The following ZNF700 variants were observed in gnomAD, a reference collection of about 807,000 sequenced individuals.
The protein encoded by ZNF700 is zinc finger protein 700.
A neutral mutation model predicts 65.3 loss-of-function variants in ZNF700; 38 were observed. The observed-to-expected ratio is 0.58, with a 90% CI of 0.45 to 0.76. The LOEUF is 0.76. Among genes scored for constraint, ZNF700 ranks in the 30% least tolerant of loss-of-function variants. The probability of loss-of-function intolerance (pLI) is 0.00; values close to 1 mark genes in which losing one functional copy is unlikely to be tolerated. For synonymous variants in ZNF700, 285 were observed against 290.4 expected (o/e 0.98, Z 0.19); for missense variants, 857 against 888.4 (o/e 0.96, Z 0.45).
At chr19:11,930,126 G>C (rs2061186930) in intron 1 of ZNF700, among the ~76,000 whole-genome samples, 1 of 148,240 alleles carries the variant, frequency 6.7e-6, no homozygotes, top group Non-Finnish European at 1.5e-5. Flanking sequence ...TGGAGGAGAT[G>C]CCTGGTATAC....
intron 1 of ZNF700, among the ~76,000 whole-genome samples, chr19:11,937,658 T>C (rs1225538112): frequency 6.6e-6 from 1 of 151,688 alleles, no homozygotes; most frequent in Non-Finnish European, 1.5e-5. Context: ...TTGGCTAATT[T>C]TTTGTATTTT....
rs771908917 is a variant in ZNF700 at position 11,949,034 on chromosome 19, A to T, written c.1010A>T (p.Lys337Met). Reference protein sequence around the residue: ...THSGKKPYECKQYGEGLSYLI... With the variant: ...THSGKKPYECMQYGEGLSYLI... ...TCTGGGAAAAAACCGTATGAATGTA[A>T]GCAATATGGGGAAGGCTTATCCTAT... The change falls in exon 4 of 4, where the codon AAG becomes ATG. Residue 337 changes from lysine (K) to methionine (M), a missense_variant. Lys to Met is a moderately conservative substitution (Grantham distance 95). Coordinates refer to ENST00000254321, the MANE Select transcript of ZNF700 (RefSeq NM_144566.3). 2 of 1,607,790 alleles carry T rather than the reference A, an allele frequency of 1.2e-6. No homozygotes were observed. Among genetic ancestry groups the T allele is most frequent in the Admixed American group, 3.5e-5 (2 of 57,464 alleles).
intron 1 of ZNF700, among the ~76,000 whole-genome samples, chr19:11,937,550 GCC>G (rs1972816651): frequency 1.4e-5 from 2 of 147,448 alleles, no homozygotes; most frequent in African/African-American, 5.0e-5. Context: ...GTGCAGTGGC[GCC>G]ATCTCGGCTC....
Position 11,948,774 on chromosome 19 carries a change from T to C in ZNF700, c.750T>C (p.Tyr250=), listed in dbSNP as rs1272470334. The change falls in exon 4 of 4, where the codon TAT becomes TAC. Residue 250 remains tyrosine (Y), a synonymous_variant. Transcript: ENST00000254321. ...HERTHTGEKP[Y]ECKQCGKSFT... ...GAACTCACACTGGAGAGAAACCATA[T>C]GAATGTAAACAATGTGGTAAATCCT... is the stretch of plus-strand genomic sequence containing the variant. 1 of 1,611,446 alleles carries C rather than the reference T, an allele frequency of 6.2e-7. No homozygotes were observed. Among genetic ancestry groups the C allele is most frequent in the Admixed American group, 1.7e-5 (1 of 58,936 alleles).
intron 1 of ZNF700, chr19:11,946,659 T>C (rs1972964054): frequency 6.6e-6 from 1 of 152,374 alleles, no homozygotes. Context: ...AACCCACCTC[T>C]AATGCTGGCC....
At position 11,948,409 on chromosome 19, in the gene ZNF700, T is replaced by G. The variant is rs781120723; in HGVS notation, c.385T>G (p.Phe129Val). The change falls in exon 4 of 4, where the codon TTT becomes GTT. Residue 129 changes from phenylalanine to valine, a missense_variant. Coordinates refer to ENST00000254321, the MANE Select transcript of ZNF700 (RefSeq NM_144566.3). ...ASPEVKSCDS[F>V]VCAEVGIGNS... ...TCCTGAAGTAAAATCATGTGACAGC[T>G]TTGTGTGTGCAGAAGTTGGCATAGG... is the stretch of plus-strand genomic sequence containing the variant. The G allele has an allele frequency of 1.9e-6, 3 of 1,614,110 alleles. No homozygotes were observed. Among genetic ancestry groups the G allele is most frequent in the Non-Finnish European group, 2.5e-6 (3 of 1,180,002 alleles).
At chr19:11,938,232 C>T (rs1046369104) in intron 1 of ZNF700, among the ~76,000 whole-genome samples, 2 of 152,052 alleles carry the variant, frequency 1.3e-5, no homozygotes, top group Non-Finnish European at 2.9e-5. Flanking sequence ...CCACACCTGG[C>T]TGATTTTTTT....
intron 1 of ZNF700, among the ~76,000 whole-genome samples, chr19:11,939,365 C>T (rs1485853506): frequency 6.6e-6 from 1 of 152,148 alleles, no homozygotes; most frequent in Non-Finnish European, 1.5e-5. Flanking sequence ...TTAGGTCTAA[C>T]ATTTAAGTCT....
intron 3 of ZNF700, 106 bp from the exon 4 acceptor site, chr19:11,948,170 C>T (rs1424665315): frequency 2.3e-6 from 3 of 1,306,422 alleles, no homozygotes; most frequent in African/African-American, 3.0e-5. Context: ...GGGCAGAAAG[C>T]CTACACTTTG....
At chr19:11,935,962 G>A (rs142459251) in intron 1 of ZNF700, among the ~76,000 whole-genome samples, 13 of 152,120 alleles carry the variant, frequency 8.5e-5, no homozygotes, top group Non-Finnish European at 1.5e-4. Context: ...GCAGTGTTTG[G>A]TTTTCTGTTC....
chr19:11,948,939 T>G lies in ZNF700; in HGVS notation c.915T>G (p.Pro305=). The G allele has an allele frequency of 6.2e-7, 1 of 1,608,322 alleles. No homozygotes were observed. Among genetic ancestry groups the G allele is most frequent in the Non-Finnish European group, 8.5e-7 (1 of 1,178,772 alleles). ...AAAGAAGTCACATGGGAGAGAAGCC[T>G]TATCAATGCAAAGAATGTGGAAAAG... ...RHERSHMGEK[P]YQCKECGKAF... The change falls in exon 4 of 4, where the codon CCT becomes CCG. Residue 305 remains proline (P), a synonymous_variant. Transcript: ENST00000254321.
chr19:11,942,033 C>G (rs183344923), intron 1 of ZNF700, among the ~76,000 whole-genome samples: 10 of 152,010 alleles, frequency 6.6e-5, no homozygotes, highest in African/African-American at 2.4e-4. Flanking sequence ...ACTTAGGGTG[C>G]CAGGTTTTGC....
In ZNF700 at chr19:11,925,173, G is replaced by C. The variant is rs759315510; in HGVS notation, c.-38G>C. 1 of 1,609,376 alleles carries C rather than the reference G, an allele frequency of 6.2e-7. No homozygotes were observed. The highest frequency in any genetic ancestry group is 2.2e-5 in the East Asian group (1 of 44,620). Reference sequence around the variant, plus strand: ...CAGACCAGCCCGAGAGGGACCTGGTGCCTGTACCCAGGCTTCTGTCGCTCT... The same window carrying C: ...CAGACCAGCCCGAGAGGGACCTGGTCCCTGTACCCAGGCTTCTGTCGCTCT... On this transcript the variant is annotated 5_prime_UTR_variant, in exon 1 of 4. Transcript: ENST00000254321.
rs764295794 is a variant in ZNF700 at position 11,925,284 on chromosome 19, G to C, written c.63+11G>C. On this transcript the variant is annotated intron_variant, in intron 1 of 3. Coordinates refer to ENST00000254321, the MANE Select transcript of ZNF700 (RefSeq NM_144566.3). ...GAAAGCCGGGAAATGGTGCGTGTGC[G>C]GGACCAGATGTCGTGAGACGGGGGA... is the stretch of plus-strand genomic sequence containing the variant. 6.2e-7 allele frequency: 1 copy of C among 1,611,320 alleles called. No individual in the cohort carries two copies. The highest frequency in any genetic ancestry group is 1.3e-5 in the African/African-American group (1 of 74,836).
At chr19:11,935,936 C>A (rs1312707031) in intron 1 of ZNF700, among the ~76,000 whole-genome samples, 1 of 152,114 alleles carries the variant, frequency 6.6e-6, no homozygotes, top group Non-Finnish European at 1.5e-5. Context: ...CAGTTCCCAC[C>A]TATGAGTGAG....
Position 11,948,286 on chromosome 19 carries a change from G to A in ZNF700, c.262G>A (p.Glu88Lys). The A allele has an allele frequency of 6.2e-7, 1 of 1,613,058 alleles. No homozygotes were observed. Among genetic ancestry groups the A allele is most frequent in the Non-Finnish European group, 8.5e-7 (1 of 1,179,706 alleles). ...NPRRSFRSLI[E>K]EKVNEIKEDS... is the part of the protein sequence containing the mutation. ...TCTCATGTTTTACAGGAGTCTCATA[G>A]AAGAGAAAGTCAATGAAATTAAAGA... Residue 88 changes from glutamate (E) to lysine (K), a missense_variant, in exon 4 of 4, where the codon GAA becomes AAA. Glu to Lys is a moderately conservative substitution (Grantham distance 56, BLOSUM62 1). Coordinates refer to ENST00000254321, the MANE Select transcript of ZNF700 (RefSeq NM_144566.3).
intron 1 of ZNF700, among the ~76,000 whole-genome samples, chr19:11,935,548 A>G (rs1372240535): frequency 1.3e-5 from 2 of 151,220 alleles, no homozygotes; most frequent in Admixed American, 1.3e-4. Context: ...TTCTTTTTTG[A>G]TTGGTTGTTT....
At chr19:11,945,204 C>G (rs1171754957) in intron 1 of ZNF700, among the ~76,000 whole-genome samples, 1 of 152,158 alleles carries the variant, frequency 6.6e-6, no homozygotes, top group Non-Finnish European at 1.5e-5. Flanking sequence ...GTTGGGATTC[C>G]CATTCAAAAG....
At chr19:11,927,803 T>C (rs1972654269) in intron 1 of ZNF700, among the ~76,000 whole-genome samples, 1 of 152,216 alleles carries the variant, frequency 6.6e-6, no homozygotes, top group South Asian at 2.1e-4. Context: ...GGCTGTTTTC[T>C]TCATGGGAAA....
Sources: gnomAD v4.1 joint callset for allele counts (sites outside exome capture counted in the v4.1 genomes callset) on GRCh38, gnomAD v4.1.1 for gene constraint, MANE v1.5 for transcripts, NCBI Gene and HGNC (gene_info 2026-07-23, HGNC 2026-07-21) for gene names.